GRAMD1C: variants seen among roughly 807,000 people sequenced by gnomAD.
GRAMD1C encodes the protein GRAM domain containing 1C, also known as protein Aster-C.
GRAMD1C carries 89 observed loss-of-function variants against 97.8 expected under a neutral mutation model. That is an observed-to-expected ratio of 0.91 (90% confidence interval 0.77 to 1.09). GRAMD1C has a LOEUF of 1.09. Ranked by LOEUF, GRAMD1C falls within the 50% of genes least tolerant of loss-of-function variation. The pLI, the probability that GRAMD1C is intolerant of heterozygous loss-of-function variation, is 0.00. For synonymous variants in GRAMD1C, 256 were observed against 267.0 expected, an observed-to-expected ratio of 0.96 and a Z score of 0.40; for missense variants, 740 against 766.4, an observed-to-expected ratio of 0.97 and a Z score of 0.41.
chr3:113,931,282 G>A (rs1937408857), intron 11 of GRAMD1C, among the ~76,000 whole-genome samples: 1 of 152,088 alleles, frequency 6.6e-6, no homozygotes, highest in African/African-American at 2.4e-5. Flanking sequence ...GCAAGACTGG[G>A]GAGGAGTTAG....
chr3:113,857,119 G>T (rs13325691), intron 2 of GRAMD1C, among the ~76,000 whole-genome samples: 1 of 151,792 alleles, frequency 6.6e-6, no homozygotes, highest in Non-Finnish European at 1.5e-5. Flanking sequence ...CATTATAGGC[G>T]TGAGCCACCA....
intron 5 of GRAMD1C, among the ~76,000 whole-genome samples, chr3:113,877,322 A>G (rs559823477): frequency 6.6e-6 from 1 of 152,340 alleles, no homozygotes; most frequent in East Asian, 1.9e-4. Context: ...ATAATTCAAC[A>G]TCGAAAAATT....
chr3:113,946,957 A>G lies in GRAMD1C; in HGVS notation c.*1479A>G, dbSNP rs1938121342. The stretch of plus-strand genomic sequence containing the variant: ...CTGTAAGCAAGAATGAGTGGATTAT[A>G]AACTTGAAGATTTCTCTGTTAAAGT... On this transcript the variant is annotated 3_prime_UTR_variant, in exon 18 of 18. Coordinates refer to ENST00000358160, the MANE Select transcript of GRAMD1C (RefSeq NM_017577.5). The G allele has an allele frequency of 6.6e-6, 1 of 152,230 alleles. No individual in the cohort carries two copies. The highest frequency in any genetic ancestry group is 2.1e-4 in the South Asian group (1 of 4,834). The allele number at this position is 152,230 out of a possible 1,614,324, so 9.4% of individuals were successfully genotyped here. A position where few individuals can be genotyped will look rare whatever the true frequency, so the allele number is the denominator to read the frequency against.
At chr3:113,901,215 G>T in intron 7 of GRAMD1C, 69 bp downstream of exon 7, 2 of 818,462 alleles carry the variant, frequency 2.4e-6, no homozygotes, top group South Asian at 1.5e-5. Context: ...TTTTACATTC[G>T]ACTAATTCTG....
At chr3:113,887,085 G>T (rs1023245739) in intron 6 of GRAMD1C, among the ~76,000 whole-genome samples, 2,233 of 71,274 alleles carry the variant, frequency 0.031, 36 homozygotes, top group Middle Eastern at 0.097. Context: ...TGGCCTTTTT[G>T]TTTTTTTTTT....
intron 5 of GRAMD1C, 45 bp downstream of exon 5, chr3:113,876,305 A>G (rs765214772): frequency 1.9e-6 from 2 of 1,037,788 alleles, no homozygotes; most frequent in Admixed American, 1.8e-5. Flanking sequence ...TGTGAAGAAA[A>G]TCTCCCTCAT....
At chr3:113,944,460 A>T (rs1429957908) in intron 17 of GRAMD1C, among the ~76,000 whole-genome samples, 2 of 152,216 alleles carry the variant, frequency 1.3e-5, no homozygotes, top group Non-Finnish European at 2.9e-5. Flanking sequence ...TCATACAGTC[A>T]CTTGCCTACT....
intron 1 of GRAMD1C, among the ~76,000 whole-genome samples, chr3:113,831,680 G>A (rs959385252): frequency 6.6e-6 from 1 of 151,688 alleles, no homozygotes; most frequent in African/African-American, 2.4e-5. Flanking sequence ...TTGCTGATTT[G>A]TTCCTCTGTC....
chr3:113,838,973 G>T, intron 1 of GRAMD1C, 37 bp downstream of exon 1: 1 of 1,214,992 alleles, frequency 8.2e-7, no homozygotes, highest in Non-Finnish European at 1.0e-6. Flanking sequence ...GTTCCCATCT[G>T]TGGCTTTAGC....
intron 1 of GRAMD1C, among the ~76,000 whole-genome samples, chr3:113,832,356 TACACC>T: frequency 6.6e-6 from 1 of 152,342 alleles, no homozygotes; most frequent in East Asian, 1.9e-4. Flanking sequence ...AATCAGGTTG[TACACC>T]TCCCCAGGTT....
At position 113,885,579 on chromosome 3, in the gene GRAMD1C, C is replaced by T. The variant is rs1322386543; in HGVS notation, c.540+2747C>T. 6 of 1,549,476 alleles carry T rather than the reference C, an allele frequency of 3.9e-6. No homozygotes were observed. The East Asian group carries it at 1.1e-4, about 29-fold the overall frequency. On this transcript the variant is annotated intron_variant, in intron 6 of 17. Coordinates refer to ENST00000358160, the MANE Select transcript of GRAMD1C (RefSeq NM_017577.5). ...GCCTGTTAGGCCTCCTGACTTCATC[C>T]TCAAGGTGGTAATAGACAAACATTC...
Position 113,882,839 on chromosome 3 carries a change from G to A in GRAMD1C, c.540+7G>A. 7.2e-7 allele frequency: 1 copy of A among 1,393,204 alleles called. No homozygotes were observed. The highest frequency in any genetic ancestry group is 1.2e-5 in the South Asian group (1 of 84,164). 86.3% of individuals were successfully genotyped at this position (1,393,204 alleles called of 1,614,324 possible). On this transcript the variant is annotated splice_region_variant and intron_variant, in intron 6 of 17. Transcript: ENST00000358160. ...GAATGTATTATTAGATAAGGTAAGT[G>A]TTCATACCAGAGGCAGTTGCTTATT... is the stretch of plus-strand genomic sequence containing the variant.
At chr3:113,911,523 TTCTTA>T (rs1936576563) in intron 9 of GRAMD1C, among the ~76,000 whole-genome samples, 1 of 151,916 alleles carries the variant, frequency 6.6e-6, no homozygotes, top group African/African-American at 2.4e-5. Context: ...CTGGTGTCTA[TTCTTA>T]TAAGGACACT....
At chr3:113,852,148 A>T (rs931047682) in intron 2 of GRAMD1C, among the ~76,000 whole-genome samples, 1 of 152,184 alleles carries the variant, frequency 6.6e-6, no homozygotes, top group African/African-American at 2.4e-5. Context: ...TTTTATACAT[A>T]CATAGTAAGG....
intron 17 of GRAMD1C, among the ~76,000 whole-genome samples, chr3:113,944,638 A>G (rs985696208): frequency 2.0e-5 from 3 of 152,254 alleles, no homozygotes; most frequent in Non-Finnish European, 2.9e-5. Flanking sequence ...ATATCTAAGT[A>G]TATATTTATG....
chr3:113,937,949 G>A, intron 14 of GRAMD1C, 137 bp from the exon 15 acceptor site: 1 of 538,506 alleles, frequency 1.9e-6, no homozygotes, highest in South Asian at 2.3e-5. Flanking sequence ...AGGTTGCGGT[G>A]AGCTGAGATC....
At chr3:113,920,609 T>C (rs1368681878) in intron 10 of GRAMD1C, among the ~76,000 whole-genome samples, 2 of 152,126 alleles carry the variant, frequency 1.3e-5, no homozygotes. Context: ...TGGTGCGATC[T>C]CGGCTCACTG....
intron 6 of GRAMD1C, among the ~76,000 whole-genome samples, chr3:113,883,125 G>A (rs917495924): frequency 6.6e-6 from 1 of 152,034 alleles, no homozygotes; most frequent in Non-Finnish European, 1.5e-5. Context: ...TGGCACACAG[G>A]GACAAAGATG....
chr3:113,868,617 A>G (rs1934673534), intron 2 of GRAMD1C, among the ~76,000 whole-genome samples: 1 of 152,098 alleles, frequency 6.6e-6, no homozygotes, highest in Non-Finnish European at 1.5e-5. Flanking sequence ...GATGTACTCA[A>G]TGTACTTAAA....
Sources: allele counts gnomAD v4.1 joint callset (sites outside exome capture counted in the v4.1 genomes callset), GRCh38; gene constraint gnomAD v4.1.1; transcripts MANE v1.5; gene names NCBI Gene and HGNC (gene_info 2026-07-23, HGNC 2026-07-21).